Variants in UGT1A6 observed in about 807,000 individuals in gnomAD.
The protein encoded by UGT1A6 is UDP glucuronosyltransferase family 1 member A6, also known as UDP-glucuronosyltransferase 1A6.
Under a neutral mutation model 44.4 loss-of-function variants are expected in UGT1A6, and 32 were observed. That is an observed-to-expected ratio of 0.72 (90% confidence interval 0.54 to 0.97). The LOEUF is 0.97. UGT1A6 is among the 50% of genes least tolerant of loss of function. The probability of loss-of-function intolerance (pLI) is 0.00; values close to 1 mark genes in which losing one functional copy is unlikely to be tolerated. For synonymous variants in UGT1A6, 238 were observed against 248.5 expected (o/e 0.96, Z 0.40); for missense variants, 685 against 661.9 (o/e 1.03, Z -0.38).
chr2:233,766,877 C>G (rs3213726), intron 1 of UGT1A6, among the ~76,000 whole-genome samples, 157 bp from the exon 2 acceptor site: 1 of 152,336 alleles, frequency 6.6e-6, no homozygotes, highest in Non-Finnish European at 1.5e-5. Context: ...GAGGAAAATG[C>G]TGTAAAACTT....
At chr2:233,736,409 A>C (rs752558952) in intron 1 of UGT1A6, among the ~76,000 whole-genome samples, 1 of 152,180 alleles carries the variant, frequency 6.6e-6, no homozygotes, top group Non-Finnish European at 1.5e-5. Context: ...TTAGGCATTC[A>C]TCTAACCTTT....
At chr2:233,754,443 A>G (rs925752742) in intron 1 of UGT1A6, 4 of 350,446 alleles carry the variant, frequency 1.1e-5, no homozygotes, top group Admixed American at 3.9e-5. Context: ...GTGTTTATAA[A>G]TTCTTGGGTA....
intron 1 of UGT1A6, among the ~76,000 whole-genome samples, chr2:233,759,294 C>A (rs1363540933): frequency 6.6e-6 from 1 of 152,134 alleles, no homozygotes; most frequent in Non-Finnish European, 1.5e-5. Context: ...TGAAGCTGAG[C>A]CCTGAGTGGC....
At chr2:233,760,104 A>T in intron 1 of UGT1A6, 1 of 1,171,464 alleles carries the variant, frequency 8.5e-7, no homozygotes, top group Non-Finnish European at 1.2e-6. Flanking sequence ...GTTGCCTATT[A>T]AGAAACCTAA....
At chr2:233,719,081 G>C (rs146146688) in intron 1 of UGT1A6, 13 of 1,614,146 alleles carry the variant, frequency 8.1e-6, no homozygotes, top group South Asian at 1.1e-5. Context: ...GGACCCAGAA[G>C]GAATTTGATC....
rs34150486 is a variant in UGT1A6, at chr2:233,743,623, G to C, written c.862-23411G>C. The stretch of plus-strand genomic sequence containing the variant: ...GGCCGCCGAAGAACTCCCTGAAGAC[G>C]TCGGCTGGGTCGCGGAAGCTGAAGA... On this transcript the variant is annotated intron_variant, in intron 1 of 4. Coordinates refer to ENST00000305139, the MANE Select transcript of UGT1A6 (RefSeq NM_001072.4). The C allele has an allele frequency of 7.3e-5, 100 of 1,367,326 alleles. 1 individual carries two copies. In the East Asian group the frequency reaches 1.5e-3, roughly 20 times the overall value. The allele number at this position is 1,367,326 out of a possible 1,614,324, so 84.7% of individuals were successfully genotyped here. A position where few individuals can be genotyped will look rare whatever the true frequency, so the allele number is the denominator to read the frequency against.
At chr2:233,713,574 C>G in intron 1 of UGT1A6, 2 of 1,613,974 alleles carry the variant, frequency 1.2e-6, no homozygotes, top group Non-Finnish European at 1.7e-6. Context: ...CTCCTATATT[C>G]CTAGATTACT....
intron 1 of UGT1A6, among the ~76,000 whole-genome samples, chr2:233,694,553 C>T (rs2075225840): frequency 6.6e-6 from 1 of 152,172 alleles, no homozygotes; most frequent in Admixed American, 6.5e-5. Context: ...AAATAAAAAT[C>T]TGTGAGTTTT....
intron 1 of UGT1A6, chr2:233,754,616 C>G (rs899223660): frequency 6.8e-6 from 3 of 438,446 alleles, no homozygotes; most frequent in African/African-American, 6.2e-5. Flanking sequence ...CTCCATCTTC[C>G]TCCACTTCCA....
chr2:233,700,698 T>C (rs1450440391), intron 1 of UGT1A6, among the ~76,000 whole-genome samples: 1 of 152,108 alleles, frequency 6.6e-6, no homozygotes, highest in Non-Finnish European at 1.5e-5. Context: ...AAACTACACT[T>C]TGAATGTTTT....
chr2:233,771,968 G>A (rs942006859), intron 4 of UGT1A6, among the ~76,000 whole-genome samples: 1 of 152,094 alleles, frequency 6.6e-6, no homozygotes, highest in Non-Finnish European at 1.5e-5. Context: ...TTTAAAAATT[G>A]GCCAGACATA....
chr2:233,713,100 G>A (rs528791114), intron 1 of UGT1A6: 8 of 1,614,218 alleles, frequency 5.0e-6, no homozygotes, highest in Non-Finnish European at 5.9e-6. Flanking sequence ...GGTGCCCACT[G>A]ATGGCAGCCA....
chr2:233,767,826 T>C (rs1204368520), intron 2 of UGT1A6, 23 bp from the exon 3 acceptor site: 5 of 1,614,208 alleles, frequency 3.1e-6, no homozygotes, highest in South Asian at 2.2e-5. Flanking sequence ...TTCTTTACGT[T>C]CTGCTCTTTT....
intron 1 of UGT1A6, chr2:233,729,055 T>C (rs1328959185): frequency 6.2e-7 from 1 of 1,609,844 alleles, no homozygotes; most frequent in East Asian, 2.2e-5. Context: ...GACAAGGTAA[T>C]TAAGATGAAG....
At chr2:233,732,487 T>A (rs1464258255) in intron 1 of UGT1A6, among the ~76,000 whole-genome samples, 1 of 152,252 alleles carries the variant, frequency 6.6e-6, no homozygotes, top group African/African-American at 2.4e-5. Flanking sequence ...AATTTTTGTA[T>A]AAGGCGTAAG....
At chr2:233,737,460 G>A (rs919499964) in intron 1 of UGT1A6, among the ~76,000 whole-genome samples, 1 of 152,212 alleles carries the variant, frequency 6.6e-6, no homozygotes, top group Non-Finnish European at 1.5e-5. Flanking sequence ...GGTACAGTCT[G>A]TCATGGCTCC....
chr2:233,718,509 G>A (rs776286738), intron 1 of UGT1A6, among the ~76,000 whole-genome samples: 2 of 152,224 alleles, frequency 1.3e-5, no homozygotes, highest in Non-Finnish European at 2.9e-5. Flanking sequence ...GCAGTGACAT[G>A]AAATGGGTGT....
At chr2:233,760,269 T>C (rs1697378310) in intron 1 of UGT1A6, 1 of 1,612,212 alleles carries the variant, frequency 6.2e-7, no homozygotes, top group Admixed American at 1.7e-5. Flanking sequence ...GGCGAACCTC[T>C]GGCAGGAGCA....
intron 1 of UGT1A6, chr2:233,713,868 G>A: frequency 6.2e-7 from 1 of 1,613,750 alleles, no homozygotes; most frequent in Non-Finnish European, 8.5e-7. Flanking sequence ...GGTCTGTATT[G>A]GTGCCTTTAT....
Sources: allele counts gnomAD v4.1 joint callset (sites outside exome capture counted in the v4.1 genomes callset), GRCh38; gene constraint gnomAD v4.1.1; transcripts MANE v1.5; gene names NCBI Gene and HGNC (gene_info 2026-07-23, HGNC 2026-07-21).